Variants in LRBA observed in about 807,000 individuals in gnomAD.
LRBA encodes lipopolysaccharide-responsive and beige-like anchor protein.
LRBA carries 176 observed loss-of-function variants against 330.0 expected under a neutral mutation model. The observed-to-expected ratio is 0.53, with a 90% confidence interval of 0.47 to 0.60. LRBA has a LOEUF of 0.60. Ranked by LOEUF, LRBA falls within the 20% of genes least tolerant of loss-of-function variation. LRBA has a pLI of 0.00. For synonymous variants in LRBA, 1,230 were observed against 1,193.0 expected (o/e 1.03, Z -0.64); for missense variants, 3,259 against 3,444.8 (o/e 0.95, Z 1.35).
chr4:150,508,629 A>G (rs577535021), intron 40 of LRBA, among the ~76,000 whole-genome samples: 46 of 152,322 alleles, frequency 3.0e-4, no homozygotes, highest in African/African-American at 9.6e-4. Context: ...AGGGATAAAG[A>G]GGGTCATTTT....
At chr4:150,953,027 G>T (rs1426673180) in intron 2 of LRBA, among the ~76,000 whole-genome samples, 1 of 152,042 alleles carries the variant, frequency 6.6e-6, no homozygotes, top group Non-Finnish European at 1.5e-5. Context: ...TATAAGCAAA[G>T]TTCACACTGC....
At chr4:150,304,794 G>A (rs1037495403) in intron 52 of LRBA, among the ~76,000 whole-genome samples, 1 of 152,046 alleles carries the variant, frequency 6.6e-6, no homozygotes, top group Admixed American at 6.5e-5. Context: ...CAGATTACAC[G>A]CAGGCCTTAC....
chr4:150,340,825 T>G (rs1735428969), intron 48 of LRBA, among the ~76,000 whole-genome samples: 1 of 152,098 alleles, frequency 6.6e-6, no homozygotes, highest in African/African-American at 2.4e-5. Context: ...CTTCATGTAA[T>G]CAGGAACAGA....
chr4:150,642,787 T>A (rs1006468339), intron 37 of LRBA, among the ~76,000 whole-genome samples: 4 of 151,864 alleles, frequency 2.6e-5, no homozygotes, highest in African/African-American at 9.7e-5. Flanking sequence ...ATAATTAAAC[T>A]GTATTGAAGT....
intron 40 of LRBA, among the ~76,000 whole-genome samples, chr4:150,535,572 C>G (rs1385140457): frequency 1.3e-5 from 2 of 152,116 alleles, no homozygotes; most frequent in Admixed American, 1.3e-4. Flanking sequence ...AACAGTAATT[C>G]CCAATATATT....
chr4:150,788,077 TTTG>T (rs1018624458), intron 34 of LRBA, among the ~76,000 whole-genome samples: 30 of 152,018 alleles, frequency 2.0e-4, no homozygotes, highest in African/African-American at 6.5e-4. Context: ...ATTAAATCTT[TTTG>T]TTGTTGTTTT....
intron 37 of LRBA, among the ~76,000 whole-genome samples, chr4:150,656,731 C>A (rs183549145): frequency 3.0e-4 from 46 of 151,864 alleles, no homozygotes; most frequent in Admixed American, 5.9e-4. Context: ...AATGTAAGAC[C>A]CATGAAGGCA....
chr4:150,747,452 G>T (rs1732900443), intron 35 of LRBA, among the ~76,000 whole-genome samples: 1 of 152,132 alleles, frequency 6.6e-6, no homozygotes, highest in Non-Finnish European at 1.5e-5. Context: ...ATAGAACAGT[G>T]CCTGGGGACC....
At position 150,804,976 on chromosome 4, in the gene LRBA, C is replaced by T. The variant is rs567130844; in HGVS notation, c.5518+1295G>A. On this transcript the variant is annotated intron_variant, in intron 33 of 56. Transcript: ENST00000651943. The stretch of plus-strand genomic sequence containing the variant: ...AACAAAATAAAATAAAAAATAAATC[C>T]TAGGTACGAAGATGAAGATTGGTAT... Among the ~76,000 whole-genome samples the T allele has an allele frequency of 1.9e-3, 286 of 151,946 alleles. 3 individuals are homozygous for T. The highest frequency in any genetic ancestry group is 6.6e-3 in the African/African-American group (274 of 41,450).
intron 47 of LRBA, among the ~76,000 whole-genome samples, chr4:150,396,080 G>A (rs1267827607): frequency 6.6e-6 from 1 of 152,048 alleles, no homozygotes; most frequent in Admixed American, 6.6e-5. Flanking sequence ...GAAAAGGTTA[G>A]CATCTGAATC....
intron 30 of LRBA, among the ~76,000 whole-genome samples, chr4:150,827,543 G>C (rs1390171089): frequency 6.6e-6 from 1 of 151,504 alleles, no homozygotes; most frequent in East Asian, 1.9e-4. Flanking sequence ...TCTTTATGAT[G>C]ATTCGCTTCA....
At chr4:150,868,873 G>A (rs1753071825) in intron 20 of LRBA, among the ~76,000 whole-genome samples, 1 of 152,140 alleles carries the variant, frequency 6.6e-6, no homozygotes, top group Non-Finnish European at 1.5e-5. Flanking sequence ...AGGAGGCAGA[G>A]GCTGCAGTGA....
intron 44 of LRBA, among the ~76,000 whole-genome samples, chr4:150,445,492 G>A (rs1395688910): frequency 6.7e-6 from 1 of 150,240 alleles, no homozygotes; most frequent in Non-Finnish European, 1.5e-5. Context: ...TTTAGCTTAA[G>A]CCTGGGCTAA....
rs199934583 is a variant in LRBA, at chr4:150,467,690, A to C, written c.6763T>G (p.Phe2255Val). 7 of 1,593,444 alleles carry C rather than the reference A, an allele frequency of 4.4e-6. No homozygotes were observed. The highest frequency in any genetic ancestry group is 6.0e-6 in the Non-Finnish European group (7 of 1,163,378). ...EELDLTLPTNFRDLSKPIGAL... is the reference protein window; with the variant it reads ...EELDLTLPTNVRDLSKPIGAL... Reference sequence around the variant, plus strand: ...GAAATTACCTTGGACAAATCTCTGAAGTTGGTGGGCAAGGTAAGATCCAGT... The same window carrying C: ...GAAATTACCTTGGACAAATCTCTGACGTTGGTGGGCAAGGTAAGATCCAGT... The change falls in exon 44 of 57, where the codon TTC (phenylalanine) becomes GTC (valine). Residue 2255 changes from phenylalanine to valine, a missense_variant. Phe to Val is a conservative substitution (Grantham distance 50, BLOSUM62 -1). Coordinates refer to ENST00000651943, the MANE Select transcript of LRBA (RefSeq NM_001364905.1).
intron 34 of LRBA, among the ~76,000 whole-genome samples, chr4:150,771,850 G>T (rs895129646): frequency 6.6e-6 from 1 of 152,152 alleles, no homozygotes; most frequent in Non-Finnish European, 1.5e-5. Context: ...GGCGGCTGGG[G>T]AAAGAGGCTG....
chr4:150,363,075 G>A (rs1738949424), intron 47 of LRBA, among the ~76,000 whole-genome samples: 1 of 152,328 alleles, frequency 6.6e-6, no homozygotes, highest in African/African-American at 2.4e-5. Context: ...AGGCTGCAGT[G>A]AGGTGTGATT....
chr4:150,525,523 C>T (rs1763369851), intron 40 of LRBA, among the ~76,000 whole-genome samples: 1 of 152,142 alleles, frequency 6.6e-6, no homozygotes, highest in African/African-American at 2.4e-5. Context: ...AAACTAACCA[C>T]AGATCTCTAG....
At chr4:150,550,612 T>G (rs766463737) in intron 40 of LRBA, among the ~76,000 whole-genome samples, 12 of 152,194 alleles carry the variant, frequency 7.9e-5, no homozygotes, top group Non-Finnish European at 1.6e-4. Context: ...TTCATCACAT[T>G]CTATCTGCAC....
chr4:150,869,812 TG>T (rs1284316611), intron 20 of LRBA, among the ~76,000 whole-genome samples: 1 of 152,172 alleles, frequency 6.6e-6, no homozygotes, highest in African/African-American at 2.4e-5. Flanking sequence ...ACCAGCACTT[TG>T]GGAGGTTGAG....
Sources: allele counts gnomAD v4.1 joint callset (sites outside exome capture counted in the v4.1 genomes callset), GRCh38; gene constraint gnomAD v4.1.1; transcripts MANE v1.5; gene names NCBI Gene and HGNC (gene_info 2026-07-23, HGNC 2026-07-21).